The following SPDYE4 variants were observed in gnomAD, a reference collection of about 807,000 sequenced individuals.
The protein encoded by SPDYE4 is speedy/RINGO cell cycle regulator family member E4, also known as speedy protein E4.
Under a neutral mutation model 37.5 loss-of-function variants are expected in SPDYE4, and 30 were observed. The observed-to-expected ratio is 0.80, with a 90% CI of 0.60 to 1.09. The LOEUF (loss-of-function observed/expected upper bound fraction) is 1.09, where lower values mean the gene tolerates loss of function less well. SPDYE4 is among the 50% of genes least tolerant of loss of function. The pLI is 0.00. For synonymous variants in SPDYE4, 131 were observed against 120.3 expected, an observed-to-expected ratio of 1.09 and a Z score of -0.58; for missense variants, 300 against 307.9, an observed-to-expected ratio of 0.97 and a Z score of 0.19.
chr17:8,757,453 C>G lies in SPDYE4; in HGVS notation c.149G>C (p.Gly50Ala). ...IDPSPQPQSL[G>A]LKRKSEWSDE... is the part of the protein sequence containing the mutation. ...TGACCATTCGCTCTTCCTTTTCAGG[C>G]CAAGGGATTGAGGCTGGGGGCTGGG... The change falls in exon 2 of 7, where the codon GGC becomes GCC. Residue 50 changes from glycine (G) to alanine (A), a missense_variant. By Grantham distance (60) the Gly-to-Ala change is moderately conservative. Coordinates refer to ENST00000689094, the MANE Select transcript of SPDYE4 (RefSeq NM_001394956.1). The G allele has an allele frequency of 6.2e-7, 1 of 1,604,558 alleles. No individual in the cohort carries two copies. The highest frequency in any genetic ancestry group is 8.5e-7 in the Non-Finnish European group (1 of 1,175,330).
downstream of SPDYE4, among the ~76,000 whole-genome samples, chr17:8,749,648 C>T (rs1487872147): frequency 6.6e-6 from 1 of 152,296 alleles, no homozygotes; most frequent in East Asian, 1.9e-4. Flanking sequence ...ATCTGCCCAC[C>T]TGGGCCTCCC....
At chr17:8,750,813 A>T (rs2086723366), downstream of SPDYE4, among the ~76,000 whole-genome samples, 1 of 152,264 alleles carries the variant, frequency 6.6e-6, no homozygotes, top group African/African-American at 2.4e-5. Flanking sequence ...GTCATTGGAC[A>T]ACAAATAAGC....
rs1387399663 is a variant in SPDYE4 at position 8,752,018 on chromosome 17, G to C, written c.*264C>G. 2.0e-5 allele frequency among the ~76,000 whole-genome samples: 3 copies of C among 151,992 alleles called. No individual in the cohort carries two copies. The East Asian group carries it at 5.8e-4, about 29-fold the overall frequency. On this transcript the variant is annotated 3_prime_UTR_variant, in exon 7 of 7. Transcript: ENST00000689094. The stretch of plus-strand genomic sequence containing the variant: ...TTTGCCGCAGGAAGGGGTGGAACCA[G>C]AAACACCCCTGGTTTCTCACTTTCC...
Position 8,751,874 on chromosome 17 carries a change from C to T in SPDYE4, c.*408G>A, listed in dbSNP as rs890960704. On this transcript the variant is annotated 3_prime_UTR_variant, in exon 7 of 7. Transcript: ENST00000689094. ...ATTTTACAAAGAATTCCGTAACAAT[C>T]TGAGTGCCTGCGCTGTGCCTTCAAA... Among the ~76,000 whole-genome samples the T allele has an allele frequency of 1.3e-5, 2 of 152,202 alleles. No individual in the cohort carries two copies. The highest frequency in any genetic ancestry group is 1.5e-5 in the Non-Finnish European group (1 of 68,032).
chr17:8,752,817 GAA>G (rs1236038475), intron 6 of SPDYE4, among the ~76,000 whole-genome samples: 2 of 152,178 alleles, frequency 1.3e-5, no homozygotes, highest in African/African-American at 4.8e-5. Context: ...TCATTTTTGA[GAA>G]AGAGTGTCAC....
chr17:8,755,128 G>A (rs577478836), intron 4 of SPDYE4, among the ~76,000 whole-genome samples: 1 of 152,322 alleles, frequency 6.6e-6, no homozygotes, highest in African/African-American at 2.4e-5. Flanking sequence ...TGATGGATCT[G>A]TGTTATGCGA....
chr17:8,753,533 G>T (rs56985159), intron 4 of SPDYE4, 44 bp from the exon 5 acceptor site: 44,010 of 1,604,828 alleles, frequency 0.027, 902 homozygotes, highest in African/African-American at 0.1. Context: ...CCCACCAGGA[G>T]GGACCCCTGC....
intron 4 of SPDYE4, among the ~76,000 whole-genome samples, chr17:8,754,164 CATGAATGA>C (rs962481346): frequency 1.3e-5 from 2 of 152,156 alleles, no homozygotes; most frequent in African/African-American, 4.8e-5. Flanking sequence ...TAAATGAATA[CATGAATGA>C]ATGAAGGAAA....
At chr17:8,749,293 G>A (rs573859686), downstream of SPDYE4, among the ~76,000 whole-genome samples, 1 of 148,152 alleles carries the variant, frequency 6.7e-6, no homozygotes, top group Non-Finnish European at 1.5e-5. Context: ...ATGGAGTCTC[G>A]CTCTGTCACA....
Position 8,751,819 on chromosome 17 carries a change from T to C in SPDYE4, c.*463A>G, listed in dbSNP as rs1223950725. Among the ~76,000 whole-genome samples, 1 of 152,204 alleles carries C rather than the reference T, an allele frequency of 6.6e-6. No individual in the cohort carries two copies. The highest frequency in any genetic ancestry group is 1.5e-5 in the Non-Finnish European group (1 of 68,036). The stretch of plus-strand genomic sequence containing the variant: ...AAAATGTACAGTATCTATTAAACTA[T>C]CTCTTAAAATCCTATGGCAGTAATT... On this transcript the variant is annotated 3_prime_UTR_variant, in exon 7 of 7. Transcript: ENST00000689094.
At chr17:8,755,438 A>G (rs2086763589) in intron 4 of SPDYE4, 82 bp downstream of exon 4, 1 of 1,478,402 alleles carries the variant, frequency 6.8e-7, no homozygotes, top group Non-Finnish European at 9.3e-7. Flanking sequence ...GGGTAAAAAA[A>G]TAGATGGAAG....
downstream of SPDYE4, among the ~76,000 whole-genome samples, chr17:8,750,758 G>T (rs1022408884): frequency 6.6e-6 from 1 of 152,132 alleles, no homozygotes; most frequent in African/African-American, 2.4e-5. Context: ...ATTTTCCAGG[G>T]TTAATAGATT....
intron 4 of SPDYE4, among the ~76,000 whole-genome samples, chr17:8,754,399 C>T (rs1233150768): frequency 6.6e-6 from 1 of 152,106 alleles, no homozygotes; most frequent in Non-Finnish European, 1.5e-5. Context: ...CATAGCAAAA[C>T]GTCATCTCTA....
At chr17:8,757,590 G>A in intron 1 of SPDYE4, 98 bp from the exon 2 acceptor site, 2 of 1,253,082 alleles carry the variant, frequency 1.6e-6, no homozygotes, top group South Asian at 2.9e-5. Context: ...ATCCTCCCAA[G>A]CCTCGCAGAC....
rs760258854 is a variant in SPDYE4, at chr17:8,756,404, C to T, written c.373G>A (p.Asp125Asn). The T allele has an allele frequency of 3.1e-6, 5 of 1,613,960 alleles. No homozygotes were observed. Residue 125 changes from aspartate (D) to asparagine (N), a missense_variant, in exon 3 of 7, where the codon GAC (aspartate) becomes AAC (asparagine). By Grantham distance (23) the Asp-to-Asn change is conservative. Coordinates refer to ENST00000689094, the MANE Select transcript of SPDYE4 (RefSeq NM_001394956.1). ...DPVVQKFLAWDKDLRVSDKYL... is the reference protein window; with the variant it reads ...DPVVQKFLAWNKDLRVSDKYL... ...TTGTCTGACACCCTCAGGTCTTTGTCCCAGGCCAGGAATTTTTGAACGACA... is the reference window on the plus strand; with the variant it reads ...TTGTCTGACACCCTCAGGTCTTTGTTCCAGGCCAGGAATTTTTGAACGACA...
Position 8,757,176 on chromosome 17 carries a change from C to T in SPDYE4, c.340+86G>A, listed in dbSNP as rs1260203135. Reference sequence around the variant, plus strand: ...CGCTCATCCCCCAGGAGGGCATATTCTTCTTATTGGGAAAGTGTGATTATT... The same window carrying T: ...CGCTCATCCCCCAGGAGGGCATATTTTTCTTATTGGGAAAGTGTGATTATT... On this transcript the variant is annotated intron_variant, in intron 2 of 6. Coordinates refer to ENST00000689094, the MANE Select transcript of SPDYE4 (RefSeq NM_001394956.1). 4 of 1,309,338 alleles carry T rather than the reference C, an allele frequency of 3.1e-6. No individual in the cohort carries two copies. The African/African-American group carries it at 7.4e-5, about 24-fold the overall frequency. 81.1% of individuals were successfully genotyped at this position (1,309,338 alleles called of 1,614,324 possible). A position where few individuals can be genotyped will look rare whatever the true frequency, so the allele number is the denominator to read the frequency against.
intron 2 of SPDYE4, among the ~76,000 whole-genome samples, chr17:8,756,958 T>C (rs1261425037): frequency 6.6e-6 from 1 of 152,076 alleles, no homozygotes; most frequent in Non-Finnish European, 1.5e-5. Flanking sequence ...AGTGCAGTGG[T>C]GCAATCATAG....
intron 1 of SPDYE4, among the ~76,000 whole-genome samples, chr17:8,757,766 GCT>G (rs61587336): frequency 2.8e-4 from 40 of 143,812 alleles, no homozygotes; most frequent in African/African-American, 5.9e-4. Flanking sequence ...AGCTCTGTCT[GCT>G]CTCTCTCTCT....
In SPDYE4 at chr17:8,755,541, C is replaced by A. The variant is rs201318763; in HGVS notation, c.464G>T (p.Arg155Leu). Residue 155 changes from arginine (R) to leucine (L), a missense_variant, in exon 4 of 7, where the codon CGC becomes CTC. Physicochemically the swap from Arg to Leu is moderately radical, Grantham distance 102 (BLOSUM62 -2). Coordinates refer to ENST00000689094, the MANE Select transcript of SPDYE4 (RefSeq NM_001394956.1). ...TCACAGAGCCAGGAAGAAATGAATGCGTTGGTATTGCCACGAGAAGAGGCC... is the reference window on the plus strand; with the variant it reads ...TCACAGAGCCAGGAAGAAATGAATGAGTTGGTATTGCCACGAGAAGAGGCC... ...RAGLFSWQYQ[R>L]IHFFLALYLA... is the part of the protein sequence containing the mutation. 1 of 1,611,692 alleles carries A rather than the reference C, an allele frequency of 6.2e-7. No homozygotes were observed. The highest frequency in any genetic ancestry group is 1.7e-5 in the Admixed American group (1 of 59,990).
Sources: gnomAD v4.1 joint callset for allele counts (sites outside exome capture counted in the v4.1 genomes callset) on GRCh38, gnomAD v4.1.1 for gene constraint, MANE v1.5 for transcripts, NCBI Gene and HGNC (gene_info 2026-07-23, HGNC 2026-07-21) for gene names.